CTNNA3: variants seen among roughly 807,000 people sequenced by gnomAD.
CTNNA3 encodes catenin alpha 3.
Under a neutral mutation model 95.7 loss-of-function variants are expected in CTNNA3, and 76 were observed. The observed-to-expected ratio is 0.79, with a 90% CI of 0.66 to 0.96. The LOEUF is 0.96. CTNNA3 is among the 40% of genes least tolerant of loss of function. The probability of loss-of-function intolerance (pLI) is 0.00; values close to 1 mark genes in which losing one functional copy is unlikely to be tolerated. For missense variants in CTNNA3, 1,191 were observed against 1,089.8 expected, an observed-to-expected ratio of 1.09 and a Z score of -1.31; for synonymous variants, 431 against 374.4, an observed-to-expected ratio of 1.15 and a Z score of -1.74.
chr10:66,169,834 C>G lies in CTNNA3; in HGVS notation c.1885-66585G>C, dbSNP rs372214868. On this transcript the variant is annotated intron_variant, in intron 13 of 17. Transcript: ENST00000433211. ...TTGTATATCTTCTTTTAAGAATTTT[C>G]TATTCATGTCCTTAGCCCACTTTTT... Among the ~76,000 whole-genome samples the G allele has an allele frequency of 3.9e-5, 6 of 152,144 alleles. No individual in the cohort carries two copies. The East Asian group carries it at 1.2e-3, about 29-fold the overall frequency.
intron 5 of CTNNA3, among the ~76,000 whole-genome samples, chr10:67,444,460 A>G (rs145229653): frequency 7.0e-4 from 107 of 152,194 alleles, no homozygotes; most frequent in African/African-American, 2.4e-3. Flanking sequence ...ACTTCAAATA[A>G]ATAACCTAAT....
intron 12 of CTNNA3, among the ~76,000 whole-genome samples, chr10:66,347,413 C>T (rs1330335154): frequency 6.6e-6 from 1 of 151,900 alleles, no homozygotes; most frequent in Non-Finnish European, 1.5e-5. Context: ...GAGTTCAAGA[C>T]CAGCTGGGGC....
chr10:66,376,679 A>G (rs1207219396), intron 12 of CTNNA3, among the ~76,000 whole-genome samples: 2 of 152,184 alleles, frequency 1.3e-5, no homozygotes, highest in Non-Finnish European at 2.9e-5. Flanking sequence ...ACAATTCACT[A>G]TAGCTCCTCA....
chr10:67,712,562 T>C (rs1387985137), intron 1 of CTNNA3, among the ~76,000 whole-genome samples: 2 of 152,142 alleles, frequency 1.3e-5, no homozygotes, highest in Non-Finnish European at 2.9e-5. Flanking sequence ...AATATAGAGG[T>C]CCGGCCATGG....
chr10:66,195,224 A>T (rs879030498), intron 13 of CTNNA3, among the ~76,000 whole-genome samples: 1 of 152,126 alleles, frequency 6.6e-6, no homozygotes, highest in African/African-American at 2.4e-5. Flanking sequence ...TTAAAAAAAG[A>T]TGACCCTTTA....
At chr10:66,111,389 G>C (rs538486142) in intron 13 of CTNNA3, among the ~76,000 whole-genome samples, 1 of 152,170 alleles carries the variant, frequency 6.6e-6, no homozygotes, top group East Asian at 1.9e-4. Context: ...GTCTTAGGTA[G>C]TGCTTTATAG....
intron 9 of CTNNA3, among the ~76,000 whole-genome samples, chr10:66,753,194 C>A (rs1017541094): frequency 6.6e-6 from 1 of 152,134 alleles, no homozygotes; most frequent in Non-Finnish European, 1.5e-5. Flanking sequence ...TTTGTAAGTT[C>A]TCCCAATAAA....
chr10:67,032,681 A>G (rs1478778577), intron 7 of CTNNA3, among the ~76,000 whole-genome samples: 1 of 152,218 alleles, frequency 6.6e-6, no homozygotes, highest in African/African-American at 2.4e-5. Flanking sequence ...TTGAATCTGT[A>G]TCATGTTTAA....
chr10:66,820,467 G>T (rs1047539309), intron 7 of CTNNA3, among the ~76,000 whole-genome samples: 30 of 151,934 alleles, frequency 2.0e-4, no homozygotes, highest in African/African-American at 6.5e-4. Flanking sequence ...TTAATGTGAT[G>T]AATTTTATGG....
At chr10:67,253,930 C>A (rs1160223518) in intron 5 of CTNNA3, among the ~76,000 whole-genome samples, 1 of 152,084 alleles carries the variant, frequency 6.6e-6, no homozygotes, top group Non-Finnish European at 1.5e-5. Context: ...CAGGAATGAA[C>A]TACGAAAAAT....
intron 5 of CTNNA3, among the ~76,000 whole-genome samples, chr10:67,436,992 G>C (rs531144920): frequency 5.3e-5 from 8 of 152,108 alleles, no homozygotes; most frequent in Non-Finnish European, 1.0e-4. Context: ...CAGAGGAAAA[G>C]AAGTCATTAT....
At chr10:67,124,440 A>G (rs1859618074) in intron 7 of CTNNA3, among the ~76,000 whole-genome samples, 1 of 82,904 alleles carries the variant, frequency 1.2e-5, no homozygotes, top group African/African-American at 9.8e-5. Flanking sequence ...ACAAATCTAT[A>G]TGGAAAATAT....
chr10:67,526,672 G>A (rs903573218), intron 4 of CTNNA3, among the ~76,000 whole-genome samples: 3 of 152,110 alleles, frequency 2.0e-5, no homozygotes, highest in Non-Finnish European at 1.5e-5. Context: ...CAACATACCA[G>A]ACATGTAAGA....
intron 7 of CTNNA3, among the ~76,000 whole-genome samples, chr10:66,976,360 A>G (rs1178261602): frequency 1.3e-5 from 2 of 152,134 alleles, no homozygotes; most frequent in African/African-American, 4.8e-5. Context: ...GTAGAGAAGA[A>G]CATTTCAGAC....
rs570351688 is a variant in CTNNA3 at position 66,556,942 on chromosome 10, A to G, written c.1375-36169T>C. On this transcript the variant is annotated intron_variant, in intron 10 of 17. Transcript: ENST00000433211. ...TTAATTCACTTGACTGTAGTAATCA[A>G]TTCATTATGTATATCAAAATATCAT... is the stretch of plus-strand genomic sequence containing the variant. 6.6e-4 allele frequency among the ~76,000 whole-genome samples: 100 copies of G among 152,258 alleles called. 1 individual carries two copies. Among genetic ancestry groups the G allele is most frequent in the Non-Finnish European group, 1.3e-3 (85 of 67,966 alleles).
At chr10:67,669,156 G>A (rs985395888) in intron 1 of CTNNA3, among the ~76,000 whole-genome samples, 3 of 152,112 alleles carry the variant, frequency 2.0e-5, no homozygotes, top group Admixed American at 6.6e-5. Flanking sequence ...CTAAATTACA[G>A]CAGTGGGCTC....
intron 17 of CTNNA3, among the ~76,000 whole-genome samples, chr10:65,944,795 A>C (rs1272394161): frequency 6.6e-6 from 1 of 152,154 alleles, no homozygotes; most frequent in East Asian, 1.9e-4. Flanking sequence ...TAATTGCTTA[A>C]AACACAAAAG....
chr10:66,975,216 A>G (rs1295887225), intron 7 of CTNNA3, among the ~76,000 whole-genome samples: 1 of 152,228 alleles, frequency 6.6e-6, no homozygotes, highest in Non-Finnish European at 1.5e-5. Context: ...ATTTGATAAG[A>G]GGGAACACTT....
At position 66,035,537 on chromosome 10, in the gene CTNNA3, A is replaced by AT. The variant is rs3884199; in HGVS notation, c.2159+33770dup. Among the ~76,000 whole-genome samples the AT allele has an allele frequency of 9.6e-3, 1,419 of 147,210 alleles. 19 individuals carry two copies. Among genetic ancestry groups the AT allele is most frequent in the African/African-American group, 0.024 (984 of 40,306 alleles). ...TAGTAGGAATAGAGGGAATGAGGGT[A>AT]TTTTTTTTTTTTGCCGCTGGCTTTA... On this transcript the variant is annotated intron_variant, in intron 15 of 17. Coordinates refer to ENST00000433211, the MANE Select transcript of CTNNA3 (RefSeq NM_013266.4).
Sources: gnomAD v4.1 joint callset for allele counts (sites outside exome capture counted in the v4.1 genomes callset) on GRCh38, gnomAD v4.1.1 for gene constraint, MANE v1.5 for transcripts, NCBI Gene and HGNC (gene_info 2026-07-23, HGNC 2026-07-21) for gene names.